Variants in HERC1 observed in about 807,000 individuals in gnomAD.
HERC1 encodes HECT and RLD domain containing E3 ubiquitin protein ligase family member 1, also known as probable E3 ubiquitin-protein ligase HERC1.
HERC1 carries 160 observed loss-of-function variants against 554.3 expected under a neutral mutation model. The ratio of observed to expected loss-of-function variants is 0.29; its 90% CI spans 0.25 to 0.33. The LOEUF is 0.33. Among genes scored for constraint, HERC1 ranks in the 10% least tolerant of loss-of-function variants. HERC1 has a pLI of 1.00. For missense variants in HERC1, 4,919 were observed against 5,918.5 expected, an observed-to-expected ratio of 0.83 and a Z score of 5.54; for synonymous variants, 2,175 against 2,131.7, an observed-to-expected ratio of 1.02 and a Z score of -0.56.
At position 63,712,674 on chromosome 15, in the gene HERC1, TA is replaced by T. The variant is rs754570718; in HGVS notation, c.4584+100del. On this transcript the variant is annotated intron_variant, in intron 24 of 77. Transcript: ENST00000443617. ...TTAAAGTTATTTTTGAAAAAATTTT[TA>T]TATGTCTAAAACAAACATATTACTT... 16 of 1,046,536 alleles carry T rather than the reference TA, an allele frequency of 1.5e-5. No homozygotes were observed. The Admixed American group carries it at 2.4e-4, about 16-fold the overall frequency. 64.8% of individuals were successfully genotyped at this position (1,046,536 alleles called of 1,614,324 possible).
chr15:63,765,339 C>A (rs1486520148), intron 2 of HERC1, among the ~76,000 whole-genome samples: 1 of 151,924 alleles, frequency 6.6e-6, no homozygotes, highest in Non-Finnish European at 1.5e-5. Flanking sequence ...TCTGTGTAAA[C>A]CAAAAATAAA....
chr15:63,746,814 C>T (rs2075071521), intron 12 of HERC1, 104 bp downstream of exon 12: 4 of 997,210 alleles, frequency 4.0e-6, no homozygotes, highest in Non-Finnish European at 5.8e-6. Context: ...AGGGAAACAA[C>T]ATCCAATTGA....
chr15:63,651,490 C>T, intron 52 of HERC1, 110 bp from the exon 53 acceptor site: 1 of 1,013,540 alleles, frequency 9.9e-7, no homozygotes, highest in African/African-American at 1.6e-5. Context: ...ATAACTGATT[C>T]TTCTGTTTCA....
chr15:63,625,362 G>C (rs1201883207), intron 71 of HERC1, among the ~76,000 whole-genome samples: 2 of 152,144 alleles, frequency 1.3e-5, no homozygotes, highest in Non-Finnish European at 2.9e-5. Context: ...TCATATTTTA[G>C]ACTTTGTAGA....
Position 63,690,617 on chromosome 15 carries a change from C to T in HERC1, c.5861G>A (p.Arg1954Lys), listed in dbSNP as rs760039351. The T allele has an allele frequency of 3.0e-5, 49 of 1,612,286 alleles. No homozygotes were observed. The highest frequency in any genetic ancestry group is 3.8e-5 in the Non-Finnish European group (45 of 1,178,674). The change falls in exon 32 of 78, where the codon AGG (arginine) becomes AAG (lysine). Residue 1954 changes from arginine to lysine, a missense_variant. Transcript: ENST00000443617. ...TTCAAGGACATGAAGTGCAAGGAGC[C>T]TTGTTCTTAAGTTACCAACCAGAGG... ...GIPLVGNLRTRLLALHVLEAV... is the reference protein window; with the variant it reads ...GIPLVGNLRTKLLALHVLEAV...
At chr15:63,713,738 A>G (rs1295561524) in intron 22 of HERC1, 73 bp from the exon 23 acceptor site, 2 of 1,386,052 alleles carry the variant, frequency 1.4e-6, no homozygotes, top group Non-Finnish European at 1.9e-6. Flanking sequence ...CAATAAAAAT[A>G]GTCAAAAAGT....
At chr15:63,719,456 C>G (rs925387660) in intron 19 of HERC1, among the ~76,000 whole-genome samples, 1 of 152,254 alleles carries the variant, frequency 6.6e-6, no homozygotes, top group Non-Finnish European at 1.5e-5. Context: ...ATCCCAACGG[C>G]CTTGCAGGCC....
intron 8 of HERC1, among the ~76,000 whole-genome samples, chr15:63,751,327 C>CA (rs1471466460): frequency 6.6e-6 from 1 of 152,142 alleles, no homozygotes; most frequent in Admixed American, 6.5e-5. Flanking sequence ...AACCTAGGAG[C>CA]AATAGGCTAT....
rs1194814943 is a variant in HERC1 at position 63,756,087 on chromosome 15, G to A, written c.1533+350C>T. 6.6e-6 allele frequency among the ~76,000 whole-genome samples: 1 copy of A among 152,050 alleles called. No homozygotes were observed. Among genetic ancestry groups the A allele is most frequent in the African/African-American group, 2.4e-5 (1 of 41,394 alleles). ...TATTATCTCTATCCTGAAGACTAAA[G>A]GATTAAAGTAGAGACCTTATCTGTC... On this transcript the variant is annotated intron_variant, in intron 5 of 77. Transcript: ENST00000443617. This position sits in a 1 kb window ranked among gnomAD's most constrained non-coding sequence, Gnocchi z 5.0.
At chr15:63,829,562 T>TGTGTGTAC (rs1491137371) in intron 1 of HERC1, among the ~76,000 whole-genome samples, 1 of 31,374 alleles carries the variant, frequency 3.2e-5, no homozygotes, top group African/African-American at 1.6e-4. Context: ...TGTGTGTGTG[T>TGTGTGTAC]ATATATATAT....
chr15:63,615,895 C>G lies in HERC1; in HGVS notation c.13967G>C (p.Gly4656Ala). ...AACCATTTTGCCATCAGCACTCTGG[C>G]CAACAAAAGAATCAAGAGGAATCAT... The part of the protein sequence containing the change: ...HEMIPLDSFV[G>A]QSADGKMVPI... The change falls in exon 76 of 78, where the codon GGC becomes GCC. Residue 4656 changes from glycine to alanine, a missense_variant. Gly to Ala is a moderately conservative substitution (Grantham distance 60). This residue lies in a region of HERC1 where 284 missense variants were observed against 294.1 expected (regional missense o/e 0.97). Coordinates refer to ENST00000443617, the MANE Select transcript of HERC1 (RefSeq NM_003922.4). 6.3e-7 allele frequency: 1 copy of G among 1,595,642 alleles called. No homozygotes were observed. Among genetic ancestry groups the G allele is most frequent in the Non-Finnish European group, 8.5e-7 (1 of 1,172,996 alleles).
chr15:63,660,872 C>A, intron 46 of HERC1, 101 bp downstream of exon 46: 2 of 723,242 alleles, frequency 2.8e-6, no homozygotes, highest in East Asian at 2.6e-5. Flanking sequence ...TACACAAATA[C>A]AAACACACAC....
chr15:63,654,107 CA>C lies in HERC1; in HGVS notation c.10290+11del. 6.2e-7 allele frequency: 1 copy of C among 1,600,736 alleles called. No homozygotes were observed. The highest frequency in any genetic ancestry group is 8.6e-7 in the Non-Finnish European group (1 of 1,168,338). On this transcript the variant is annotated intron_variant, in intron 51 of 77. Coordinates refer to ENST00000443617, the MANE Select transcript of HERC1 (RefSeq NM_003922.4). ...TAACGTGATTAACACACTTTCCACT[CA>C]AAATACTTACTCTGTTCTGATGAGC...
intron 1 of HERC1, among the ~76,000 whole-genome samples, chr15:63,798,676 A>C (rs1470080913): frequency 2.6e-5 from 4 of 152,086 alleles, no homozygotes; most frequent in Non-Finnish European, 4.4e-5. Context: ...CAGATAATGC[A>C]CTCACTCCTC....
chr15:63,751,371 A>G (rs548026787), intron 8 of HERC1, among the ~76,000 whole-genome samples: 1 of 152,336 alleles, frequency 6.6e-6, no homozygotes, highest in Non-Finnish European at 1.5e-5. Flanking sequence ...AGGCTACACC[A>G]TCTAGGTTTG....
chr15:63,833,743 ACGCGCG>A (rs145148725), intron 1 of HERC1, 78 bp downstream of exon 1: 9,604 of 66,128 alleles, frequency 0.15, 621 homozygotes, highest in African/African-American at 0.25. Context: ...CAAAGCACAC[ACGCGCG>A]CGCGCACACA....
chr15:63,792,300 T>C (rs890694073), intron 1 of HERC1, among the ~76,000 whole-genome samples: 1 of 152,188 alleles, frequency 6.6e-6, no homozygotes, highest in African/African-American at 2.4e-5. Flanking sequence ...TCCGAAGTCC[T>C]TTCCACTTCT....
chr15:63,695,479 G>T (rs547010129), intron 27 of HERC1, among the ~76,000 whole-genome samples: 2 of 149,340 alleles, frequency 1.3e-5, no homozygotes, highest in East Asian at 4.1e-4. Context: ...TCCACCTCCC[G>T]GGTTCAAGCG....
chr15:63,723,086 G>A, intron 19 of HERC1, 96 bp downstream of exon 19: 1 of 694,830 alleles, frequency 1.4e-6, no homozygotes, highest in South Asian at 7.1e-5. Context: ...AAAAAAAAGG[G>A]TGATCCCTAT....
Sources: gnomAD v4.1 joint callset for allele counts (sites outside exome capture counted in the v4.1 genomes callset) on GRCh38, gnomAD v4.1.1 for gene constraint, gnomAD v4.1.1 regional missense constraint, Gnocchi (gnomAD v3.1) non-coding constraint, MANE v1.5 for transcripts, NCBI Gene and HGNC (gene_info 2026-07-23, HGNC 2026-07-21) for gene names.